Variants in MZT2A observed in about 807,000 individuals in gnomAD.
MZT2A encodes mitotic-spindle organizing protein 2A.
In MZT2A, 8 loss-of-function variants were observed where a neutral mutation model predicts 12.4. The ratio of observed to expected loss-of-function variants is 0.64; its 90% CI spans 0.38 to 1.16. MZT2A has a LOEUF of 1.16. MZT2A is among the 50% of genes most tolerant of loss of function. The pLI is 0.01. For synonymous variants in MZT2A, 88 were observed against 107.5 expected, an observed-to-expected ratio of 0.82 and a Z score of 1.12; for missense variants, 181 against 223.6, an observed-to-expected ratio of 0.81 and a Z score of 1.22.
At chr2:131,475,454 C>T (rs12989388) in intron 2 of MZT2A, among the ~76,000 whole-genome samples, 62,551 of 150,818 alleles carry the variant, frequency 0.41, 14,997 homozygotes, top group East Asian at 0.75. Context: ...CTCAGCCTCC[C>T]GTGTAGCTGG....
downstream of MZT2A, among the ~76,000 whole-genome samples, chr2:131,482,187 T>G (rs1678887643): frequency 6.6e-6 from 1 of 152,212 alleles, no homozygotes; most frequent in African/African-American, 2.4e-5. Context: ...GTACTCTGAA[T>G]CTATCTGGGT....
upstream of MZT2A, chr2:131,492,818 A>G (rs1679401403): frequency 1.4e-6 from 2 of 1,441,166 alleles, no homozygotes; most frequent in South Asian, 1.2e-5. Flanking sequence ...AACCCTGCTT[A>G]CGCGCACGCG....
intron 2 of MZT2A, chr2:131,491,614 G>A (rs2313965): frequency 5.0e-5 from 30 of 596,140 alleles, no homozygotes; most frequent in Middle Eastern, 9.1e-4. Context: ...GAAGAGGTGG[G>A]GAGGAGCTAA....
At chr2:131,474,940 C>T (rs1279080436) in intron 2 of MZT2A, among the ~76,000 whole-genome samples, 1 of 151,966 alleles carries the variant, frequency 6.6e-6, no homozygotes, top group Non-Finnish European at 1.5e-5. Context: ...CAGGGTTGCA[C>T]TTCTCAAACT....
At chr2:131,482,141 TATG>T (rs375363357), downstream of MZT2A, among the ~76,000 whole-genome samples, 461 of 152,310 alleles carry the variant, frequency 3.0e-3, 1 homozygote, top group African/African-American at 0.011. Flanking sequence ...CAGAAGTGGG[TATG>T]ATGTTCCTTG....
chr2:131,486,912 G>A (rs1352842746), intron 2 of MZT2A, among the ~76,000 whole-genome samples: 1 of 152,154 alleles, frequency 6.6e-6, no homozygotes, highest in Admixed American at 6.5e-5. Flanking sequence ...TGCTCTCGGG[G>A]CTAGTGGGGA....
chr2:131,479,184 CTA>C, downstream of MZT2A: 1 of 1,431,258 alleles, frequency 7.0e-7, no homozygotes, highest in African/African-American at 1.4e-5. Context: ...CACTGTTGAC[CTA>C]TGACATGTAG....
chr2:131,485,693 C>G (rs1294454222), intron 2 of MZT2A, among the ~76,000 whole-genome samples: 1 of 152,138 alleles, frequency 6.6e-6, no homozygotes, highest in Admixed American at 6.5e-5. Flanking sequence ...GTTCAGCCAA[C>G]AGAACACCCA....
intron 2 of MZT2A, among the ~76,000 whole-genome samples, chr2:131,488,352 G>A (rs1679138659): frequency 6.6e-6 from 1 of 152,118 alleles, no homozygotes; most frequent in Admixed American, 6.6e-5. Context: ...CTTCCCTGTG[G>A]GTATGAGTGA....
chr2:131,480,310 A>G, downstream of MZT2A: 4 of 1,613,306 alleles, frequency 2.5e-6, no homozygotes, highest in East Asian at 2.2e-5. Context: ...ATGGTCGACA[A>G]TGAAGCCATC....
upstream of MZT2A, chr2:131,493,290 G>A: frequency 7.5e-7 from 1 of 1,325,538 alleles, no homozygotes; most frequent in Admixed American, 3.6e-5. Context: ...GGAGTGGAGG[G>A]CCCCGGCTGA....
chr2:131,478,106 C>A, intron 2 of MZT2A: 1 of 1,578,096 alleles, frequency 6.3e-7, no homozygotes, highest in Non-Finnish European at 8.6e-7. Flanking sequence ...TTTTGCATGC[C>A]ATATAGTTTC....
chr2:131,472,275 T>G (rs1705004339), intron 2 of MZT2A: 3 of 1,105,170 alleles, frequency 2.7e-6, no homozygotes, highest in African/African-American at 3.3e-5. Flanking sequence ...TTGAAATGAT[T>G]TAATAATTCA....
intron 2 of MZT2A, among the ~76,000 whole-genome samples, chr2:131,475,630 C>T (rs901323171): frequency 7.9e-5 from 12 of 152,146 alleles, no homozygotes; most frequent in African/African-American, 2.9e-4. Context: ...CGCGCCCGGC[C>T]CGTTTTCTCC....
upstream of MZT2A, chr2:131,492,415 GC>G (rs1444661625): frequency 8.2e-7 from 1 of 1,217,272 alleles, no homozygotes; most frequent in Non-Finnish European, 1.0e-6. Flanking sequence ...GCCCCGCCGC[GC>G]CCCCTAGCGG....
downstream of MZT2A, chr2:131,482,883 C>CG (rs1678910524): frequency 7.6e-6 from 12 of 1,575,476 alleles, no homozygotes; most frequent in Non-Finnish European, 1.0e-5. Context: ...CTGCCACCCC[C>CG]GGGATGGCTG....
chr2:131,489,566 C>T (rs1347868357), intron 2 of MZT2A: 1 of 151,990 alleles, frequency 6.6e-6, no homozygotes, highest in African/African-American at 2.4e-5. Flanking sequence ...GATGGGGTTT[C>T]ACCGTGTTAG....
chr2:131,478,950 A>C (rs371711538), intron 2 of MZT2A, among the ~76,000 whole-genome samples: 1 of 152,128 alleles, frequency 6.6e-6, no homozygotes, highest in Non-Finnish European at 1.5e-5. Context: ...AGTCACACTG[A>C]CCTGGTGACT....
intron 3 of MZT2A, among the ~76,000 whole-genome samples, chr2:131,471,429 G>A (rs1170244716): frequency 1.5e-5 from 2 of 131,772 alleles, no homozygotes; most frequent in Non-Finnish European, 3.0e-5. Flanking sequence ...TGGTGACAGA[G>A]AGAGACTCTG....
Sources: gnomAD v4.1 joint callset for allele counts (sites outside exome capture counted in the v4.1 genomes callset) on GRCh38, gnomAD v4.1.1 for gene constraint, MANE v1.5 for transcripts, NCBI Gene and HGNC (gene_info 2026-07-23, HGNC 2026-07-21) for gene names.